The following STK39 variants were observed in gnomAD, a reference collection of about 807,000 sequenced individuals.
The protein encoded by STK39 is STE20/SPS1-related proline-alanine-rich protein kinase.
STK39 carries 20 observed loss-of-function variants against 77.8 expected under a neutral mutation model. The ratio of observed to expected loss-of-function variants is 0.26; its 90% CI spans 0.18 to 0.37. STK39 has a LOEUF of 0.37. Ranked by LOEUF, STK39 falls within the 10% of genes least tolerant of loss-of-function variation. The probability of loss-of-function intolerance (pLI) is 1.00; values close to 1 mark genes in which losing one functional copy is unlikely to be tolerated. For synonymous variants in STK39, 246 were observed against 234.1 expected, an observed-to-expected ratio of 1.05 and a Z score of -0.47; for missense variants, 479 against 656.5, an observed-to-expected ratio of 0.73 and a Z score of 2.95.
chr2:168,046,394 C>A (rs553091623), intron 14 of STK39, among the ~76,000 whole-genome samples: 2 of 151,424 alleles, frequency 1.3e-5, no homozygotes, highest in South Asian at 4.2e-4. Flanking sequence ...AACAAACAAA[C>A]AAACAAAAGA....
At chr2:168,151,232 T>A (rs868236262) in intron 5 of STK39, among the ~76,000 whole-genome samples, 1 of 152,188 alleles carries the variant, frequency 6.6e-6, no homozygotes, top group African/African-American at 2.4e-5. Flanking sequence ...TTTCACAGCC[T>A]TTTCTGACAA....
intron 1 of STK39, among the ~76,000 whole-genome samples, chr2:168,229,459 A>T (rs1690392946): frequency 2.6e-5 from 4 of 152,128 alleles, no homozygotes; most frequent in Admixed American, 2.0e-4. Context: ...AACAAAAAAA[A>T]CTAAAACAAG....
intron 16 of STK39, among the ~76,000 whole-genome samples, chr2:168,007,750 G>T (rs1684167855): frequency 1.3e-5 from 2 of 152,124 alleles, no homozygotes; most frequent in Admixed American, 6.6e-5. Context: ...TGAGCAAGGG[G>T]AAGAGCAGGA....
chr2:168,147,286 A>C (rs2105548092), intron 5 of STK39, among the ~76,000 whole-genome samples: 1 of 152,258 alleles, frequency 6.6e-6, no homozygotes, highest in East Asian at 1.9e-4. Flanking sequence ...TGACTGACAA[A>C]ATTGAAATGT....
chr2:168,011,246 C>A (rs966196500), intron 16 of STK39, among the ~76,000 whole-genome samples: 4 of 151,268 alleles, frequency 2.6e-5, no homozygotes, highest in Non-Finnish European at 1.5e-5. Flanking sequence ...TTGCAGTGGG[C>A]CGAGATTACA....
rs145657241 is a variant in STK39 at position 168,036,783 on chromosome 2, G to A, written c.1377-19688C>T. ...TAATGATAGAGCAAGGGTGAGGGTA[G>A]GCGCATGCTCCAAGTCTTTCCAGAG... On this transcript the variant is annotated intron_variant, in intron 14 of 17. Coordinates refer to ENST00000355999, the MANE Select transcript of STK39 (RefSeq NM_013233.3). Among the ~76,000 whole-genome samples, 225 of 152,312 alleles carry A rather than the reference G, an allele frequency of 1.5e-3. 1 individual carries two copies. Among genetic ancestry groups the A allele is most frequent in the African/African-American group, 5.2e-3 (218 of 41,574 alleles).
intron 14 of STK39, among the ~76,000 whole-genome samples, chr2:168,058,189 C>T (rs1188544761): frequency 1.3e-5 from 2 of 152,138 alleles, no homozygotes; most frequent in East Asian, 1.9e-4. Flanking sequence ...GGCTTTTGTC[C>T]CCATCACTCC....
chr2:167,974,696 C>T (rs1388163722), intron 16 of STK39, among the ~76,000 whole-genome samples: 1 of 152,140 alleles, frequency 6.6e-6, no homozygotes, highest in Non-Finnish European at 1.5e-5. Context: ...CGGTTAAGTG[C>T]TTAATGCTCA....
At chr2:168,242,223 T>C (rs1690775498) in intron 1 of STK39, among the ~76,000 whole-genome samples, 1 of 151,896 alleles carries the variant, frequency 6.6e-6, no homozygotes, top group African/African-American at 2.4e-5. Flanking sequence ...TTAAGAACGG[T>C]TAAAATGGTA....
At chr2:168,219,395 C>T (rs1305074370) in intron 1 of STK39, among the ~76,000 whole-genome samples, 2 of 152,098 alleles carry the variant, frequency 1.3e-5, no homozygotes, top group Admixed American at 6.6e-5. Context: ...ATAAGTCAGG[C>T]ACTATGGGGA....
chr2:168,117,776 G>A (rs1687296416), intron 10 of STK39, among the ~76,000 whole-genome samples: 1 of 152,238 alleles, frequency 6.6e-6, no homozygotes, highest in African/African-American at 2.4e-5. Flanking sequence ...GTGGCTGAGA[G>A]AAAGCCTGGA....
chr2:168,188,582 T>C (rs1305520471), intron 1 of STK39, among the ~76,000 whole-genome samples: 1 of 152,356 alleles, frequency 6.6e-6, no homozygotes, highest in East Asian at 1.9e-4. Context: ...AGATTGCAAG[T>C]GTGAAATTGC....
intron 1 of STK39, among the ~76,000 whole-genome samples, chr2:168,236,143 C>A (rs1021179652): frequency 4.6e-5 from 7 of 151,982 alleles, no homozygotes; most frequent in African/African-American, 1.7e-4. Context: ...TAATGATCAC[C>A]ATTCTAACTG....
chr2:168,004,732 CA>C (rs529234296), intron 16 of STK39, among the ~76,000 whole-genome samples: 35,877 of 93,764 alleles, frequency 0.38, 4,478 homozygotes, highest in African/African-American at 0.43. Flanking sequence ...GACTCCATCT[CA>C]AAAAAAAAAA....
intron 14 of STK39, among the ~76,000 whole-genome samples, chr2:168,037,441 A>C (rs1012343428): frequency 6.6e-6 from 1 of 152,200 alleles, no homozygotes; most frequent in Non-Finnish European, 1.5e-5. Context: ...CTAATAATTC[A>C]ACATCAATGA....
intron 1 of STK39, among the ~76,000 whole-genome samples, chr2:168,202,785 G>T (rs926360590): frequency 3.3e-5 from 5 of 152,110 alleles, no homozygotes; most frequent in African/African-American, 1.2e-4. Context: ...GAGTAAAGAG[G>T]CTGTAAAACA....
chr2:168,243,421 T>C (rs977733302), intron 1 of STK39, among the ~76,000 whole-genome samples: 3 of 152,212 alleles, frequency 2.0e-5, no homozygotes, highest in Non-Finnish European at 2.9e-5. Flanking sequence ...TGTCAAACCA[T>C]GTCCAGGATT....
chr2:168,220,179 C>T lies in STK39; in HGVS notation c.208+27049G>A, dbSNP rs568200483. On this transcript the variant is annotated intron_variant, in intron 1 of 17. Transcript: ENST00000355999. ...CAAGCAATCCTCCTGCCTCAGCCTC[C>T]GAAGTGCTGGGATCACAAGCATGTG... Among the ~76,000 whole-genome samples the T allele has an allele frequency of 1.0e-3, 156 of 152,214 alleles. 1 individual carries two copies. In the Middle Eastern group the frequency reaches 0.024, roughly 23 times the overall value.
At chr2:168,224,758 C>T (rs1030622250) in intron 1 of STK39, among the ~76,000 whole-genome samples, 1 of 152,166 alleles carries the variant, frequency 6.6e-6, no homozygotes, top group Non-Finnish European at 1.5e-5. Context: ...GATTCAAGAC[C>T]ACCAGAAGAA....
Sources: gnomAD v4.1 joint callset for allele counts (sites outside exome capture counted in the v4.1 genomes callset) on GRCh38, gnomAD v4.1.1 for gene constraint, MANE v1.5 for transcripts, NCBI Gene and HGNC (gene_info 2026-07-23, HGNC 2026-07-21) for gene names.